The following ART3 variants were observed in gnomAD, a reference collection of about 807,000 sequenced individuals.
ART3 encodes the protein ADP-ribosyltransferase 3 (inactive).
ART3 carries 49 observed loss-of-function variants against 48.5 expected under a neutral mutation model. The ratio of observed to expected loss-of-function variants is 1.01; its 90% confidence interval spans 0.80 to 1.28. ART3 has a LOEUF of 1.28. ART3 is among the 50% of genes most tolerant of loss of function. The pLI is 0.00. For missense variants in ART3, 438 were observed against 454.3 expected, an observed-to-expected ratio of 0.96 and a Z score of 0.33; for synonymous variants, 145 against 157.2, an observed-to-expected ratio of 0.92 and a Z score of 0.58.
intron 10 of ART3, chr4:76,105,701 A>G: frequency 1.9e-6 from 2 of 1,045,312 alleles, no homozygotes; most frequent in East Asian, 1.8e-4. Context: ...AGACAGGGAA[A>G]GTGTTGAGAA....
chr4:76,085,204 C>A (rs564705830), intron 3 of ART3, among the ~76,000 whole-genome samples: 18 of 152,268 alleles, frequency 1.2e-4, no homozygotes, highest in African/African-American at 3.4e-4. Context: ...GGTGTGATTG[C>A]CTAACTGAAC....
At chr4:76,087,713 G>T (rs2149590076) in intron 3 of ART3, among the ~76,000 whole-genome samples, 1 of 152,294 alleles carries the variant, frequency 6.6e-6, no homozygotes, top group Middle Eastern at 3.4e-3. Flanking sequence ...GAAGCAGAGA[G>T]AATATCAACA....
chr4:76,078,661 G>GT (rs11443874), intron 2 of ART3, among the ~76,000 whole-genome samples: 133,903 of 152,178 alleles, frequency 0.88, 59,263 homozygotes, highest in African/African-American at 0.95. Flanking sequence ...ACTATTTTTT[G>GT]TTAACCTTTT....
rs1439859400 is a variant in ART3 at position 76,082,056 on chromosome 4, A to G, written c.302A>G (p.Tyr101Cys). 1.2e-6 allele frequency: 2 copies of G among 1,614,234 alleles called. No individual in the cohort carries two copies. The highest frequency in any genetic ancestry group is 4.5e-5 in the East Asian group (2 of 44,894). The stretch of plus-strand genomic sequence containing the variant: ...AACCATGGAATAGCCCTGATGGCAT[A>G]TATTTCCGAAGCTCAAGAGCAAACT... ...KDNHGIALMA[Y>C]ISEAQEQTPF... The change falls in exon 3 of 12, where the codon TAT (tyrosine) becomes TGT (cysteine). Residue 101 changes from tyrosine to cysteine, a missense_variant. Tyr to Cys is a radical substitution (Grantham distance 194). This residue lies in a region of ART3 where 206 missense variants were observed against 205.3 expected (regional missense o/e 1.00). Transcript: ENST00000355810.
chr4:76,046,497 C>A (rs1303895867), intron 1 of ART3, among the ~76,000 whole-genome samples: 1 of 151,986 alleles, frequency 6.6e-6, no homozygotes, highest in Non-Finnish European at 1.5e-5. Flanking sequence ...AAATGTTTAA[C>A]AATATTCTAT....
chr4:76,081,368 G>C (rs1722428370), intron 2 of ART3, among the ~76,000 whole-genome samples: 1 of 152,202 alleles, frequency 6.6e-6, no homozygotes, highest in Non-Finnish European at 1.5e-5. Flanking sequence ...ATGGACAAGG[G>C]AGGGGGCAAC....
At chr4:76,040,444 A>ACACGCACG (rs1553926431) in intron 1 of ART3, among the ~76,000 whole-genome samples, 1 of 128,852 alleles carries the variant, frequency 7.8e-6, no homozygotes, top group Non-Finnish European at 1.6e-5. Flanking sequence ...GGATACACAC[A>ACACGCACG]CACACACACA....
intron 10 of ART3, 32 bp from the exon 11 acceptor site, chr4:76,107,729 T>C (rs1026140941): frequency 1.5e-6 from 2 of 1,347,640 alleles, no homozygotes; most frequent in Non-Finnish European, 2.1e-6. Context: ...AGATATACAA[T>C]ATAACTAACT....
intron 1 of ART3, among the ~76,000 whole-genome samples, chr4:76,020,665 G>A (rs10014837): frequency 0.61 from 92,955 of 151,940 alleles, 29,512 homozygotes; most frequent in East Asian, 0.94. Flanking sequence ...AAGTTCCTAT[G>A]GGATATTCAA....
At chr4:76,094,921 G>A (rs2149636060) in intron 3 of ART3, among the ~76,000 whole-genome samples, 1 of 152,198 alleles carries the variant, frequency 6.6e-6, no homozygotes, top group South Asian at 2.1e-4. Context: ...AAATTTTTCT[G>A]GGAATTTGTC....
At chr4:76,065,552 A>AACACAC (rs56794781) in intron 1 of ART3, among the ~76,000 whole-genome samples, 1,731 of 145,348 alleles carry the variant, frequency 0.012, 42 homozygotes, top group African/African-American at 0.04. Context: ...ATAACCCTCC[A>AACACAC]ACACACACAC....
chr4:76,040,840 C>A (rs1734910536), intron 1 of ART3, among the ~76,000 whole-genome samples: 1 of 152,080 alleles, frequency 6.6e-6, no homozygotes, highest in Admixed American at 6.5e-5. Flanking sequence ...TGTGCTGTAA[C>A]CTTTTCACTT....
intron 1 of ART3, among the ~76,000 whole-genome samples, chr4:76,065,237 CT>C (rs1719615703): frequency 1.3e-5 from 2 of 152,270 alleles, no homozygotes; most frequent in South Asian, 4.1e-4. Context: ...ATATGGCGAG[CT>C]CACTGAGTGC....
rs906130473 is a variant in ART3, at chr4:76,027,992, G to C, written c.-10+16672G>C. Among the ~76,000 whole-genome samples, 7 of 152,336 alleles carry C rather than the reference G, an allele frequency of 4.6e-5. No individual in the cohort carries two copies. The East Asian group carries it at 7.7e-4, about 17-fold the overall frequency. ...TGAGAACCTTTTCAGTGACTAGGAT[G>C]ATTGGTTTTGGTATCCAAGTCACCC... On this transcript the variant is annotated intron_variant, in intron 1 of 9. Coordinates refer to the ART3 transcript ENST00000341029.
Position 76,043,344 on chromosome 4 carries a change from G to A in ART3, c.-10+32024G>A, listed in dbSNP as rs532611010. Among the ~76,000 whole-genome samples, 18 of 152,160 alleles carry A rather than the reference G, an allele frequency of 1.2e-4. No homozygotes were observed. In the East Asian group the frequency reaches 2.7e-3, roughly 23 times the overall value. The stretch of plus-strand genomic sequence containing the variant: ...ATGGGACTGGGCACCGTGGAGCAGG[G>A]GGTGGCACTCGTCAGGGAGGCTCGG... On this transcript the variant is annotated intron_variant, in intron 1 of 9. Coordinates refer to the ART3 transcript ENST00000341029.
intron 1 of ART3, among the ~76,000 whole-genome samples, chr4:76,052,526 A>T (rs1736211068): frequency 1.3e-5 from 2 of 152,058 alleles, no homozygotes; most frequent in Non-Finnish European, 2.9e-5. Context: ...TAGTGGTGAA[A>T]TTAGGGCTTT....
chr4:76,081,108 C>A (rs190169181), intron 2 of ART3, among the ~76,000 whole-genome samples: 4 of 152,334 alleles, frequency 2.6e-5, no homozygotes, highest in African/African-American at 9.6e-5. Flanking sequence ...TTAGGCCCAG[C>A]GTCTAAAGTA....
At chr4:76,062,077 A>G (rs987068170) in intron 1 of ART3, among the ~76,000 whole-genome samples, 1 of 149,270 alleles carries the variant, frequency 6.7e-6, no homozygotes, top group Non-Finnish European at 1.5e-5. Context: ...GGAACTCACT[A>G]AAGAGTTACT....
intron 1 of ART3, among the ~76,000 whole-genome samples, chr4:76,023,201 C>G (rs1439117584): frequency 1.3e-5 from 2 of 152,154 alleles, no homozygotes; most frequent in African/African-American, 4.8e-5. Flanking sequence ...ATTTGTTTCT[C>G]TCACTTCAAT....
Sources: allele counts gnomAD v4.1 joint callset (sites outside exome capture counted in the v4.1 genomes callset), GRCh38; gene constraint gnomAD v4.1.1; regional missense constraint gnomAD v4.1.1; transcripts MANE v1.5; gene names NCBI Gene and HGNC (gene_info 2026-07-23, HGNC 2026-07-21).